The following TRABD2B variants were observed in gnomAD, a reference collection of about 807,000 sequenced individuals.
TRABD2B encodes the protein TraB domain containing 2B.
Under a neutral mutation model 40.1 loss-of-function variants are expected in TRABD2B, and 14 were observed. That is an observed-to-expected ratio of 0.35 (90% CI 0.23 to 0.55). The LOEUF (loss-of-function observed/expected upper bound fraction) is 0.55. Among genes scored for constraint, TRABD2B ranks in the 20% least tolerant of loss-of-function variants. TRABD2B has a pLI of 0.90. For synonymous variants in TRABD2B, 263 were observed against 277.0 expected (o/e 0.95, Z 0.50); for missense variants, 541 against 648.6 (o/e 0.83, Z 1.80).
At chr1:47,874,143 C>T (rs907988038) in intron 2 of TRABD2B, among the ~76,000 whole-genome samples, 3 of 152,032 alleles carry the variant, frequency 2.0e-5, no homozygotes, top group Admixed American at 2.0e-4. Context: ...GGGTGAATTC[C>T]TGATGGGCAA....
chr1:47,926,832 C>A lies in TRABD2B; in HGVS notation c.666+67202G>T, dbSNP rs145629408. On this transcript the variant is annotated intron_variant, in intron 2 of 6. Transcript: ENST00000606738. ...CTTCCTCTCCAGCACACCCTTCCTG[C>A]CTTGCTTTAGAGAGCTCATCCTATA... Among the ~76,000 whole-genome samples, 477 of 152,298 alleles carry A rather than the reference C, an allele frequency of 3.1e-3. 2 individuals carry two copies. Among genetic ancestry groups the A allele is most frequent in the Non-Finnish European group, 4.6e-3 (311 of 68,032 alleles).
chr1:47,878,782 A>C (rs1644259858), intron 2 of TRABD2B, among the ~76,000 whole-genome samples: 1 of 152,178 alleles, frequency 6.6e-6, no homozygotes, highest in South Asian at 2.1e-4. Flanking sequence ...TCACAAATAA[A>C]TAAGCAAACA....
rs191708710 is a variant in TRABD2B at position 47,826,699 on chromosome 1, G to A, written c.667-25080C>T. On this transcript the variant is annotated intron_variant, in intron 2 of 6. Transcript: ENST00000606738. ...AGCAATCCTCCTGCTTCAGCCTCCC[G>A]AATAGCTAGAACTACAGGTGCGTGC... 2.2e-3 allele frequency among the ~76,000 whole-genome samples: 337 copies of A among 152,210 alleles called. 2 individuals carry two copies. Among genetic ancestry groups the A allele is most frequent in the Admixed American group, 5.7e-3 (87 of 15,288 alleles).
At chr1:47,993,268 C>T (rs1646038982) in intron 2 of TRABD2B, among the ~76,000 whole-genome samples, 1 of 152,168 alleles carries the variant, frequency 6.6e-6, no homozygotes, top group South Asian at 2.1e-4. Flanking sequence ...CAGTGAGTAG[C>T]AAGTGACCTC....
At chr1:47,872,171 T>C (rs1328418779) in intron 2 of TRABD2B, among the ~76,000 whole-genome samples, 1 of 152,184 alleles carries the variant, frequency 6.6e-6, no homozygotes, top group African/African-American at 2.4e-5. Flanking sequence ...GGGGACCCTA[T>C]GTCTGTGGGC....
intron 2 of TRABD2B, among the ~76,000 whole-genome samples, chr1:47,877,328 G>A (rs1260857029): frequency 2.0e-5 from 3 of 152,068 alleles, no homozygotes; most frequent in South Asian, 2.1e-4. Context: ...GGAACAGAGG[G>A]AAGGGAGAGA....
intron 2 of TRABD2B, among the ~76,000 whole-genome samples, chr1:47,925,818 A>T (rs1644961498): frequency 6.6e-6 from 1 of 152,232 alleles, no homozygotes; most frequent in South Asian, 2.1e-4. Flanking sequence ...CCTTTCTTAC[A>T]GAGACAAGAA....
intron 2 of TRABD2B, among the ~76,000 whole-genome samples, chr1:47,898,193 C>T (rs1457591648): frequency 6.6e-6 from 1 of 152,188 alleles, no homozygotes; most frequent in African/African-American, 2.4e-5. Flanking sequence ...ACTTGTCAAG[C>T]AGGGGCTACG....
At chr1:47,949,622 G>A (rs1008347826) in intron 2 of TRABD2B, among the ~76,000 whole-genome samples, 4 of 151,696 alleles carry the variant, frequency 2.6e-5, no homozygotes, top group Admixed American at 1.3e-4. Flanking sequence ...TGGCCAGGCT[G>A]GTCTTGATCT....
At chr1:47,939,713 C>G (rs1023524576) in intron 2 of TRABD2B, among the ~76,000 whole-genome samples, 2 of 152,202 alleles carry the variant, frequency 1.3e-5, no homozygotes, top group Non-Finnish European at 2.9e-5. Context: ...GACAGGAAAA[C>G]TGAAGCCTCC....
At chr1:47,794,894 C>T (rs897412200) in intron 3 of TRABD2B, 134 bp from the exon 4 acceptor site, 2 of 784,306 alleles carry the variant, frequency 2.6e-6, no homozygotes, top group African/African-American at 1.8e-5. Context: ...CATCCTCCTG[C>T]CTCAGCCTCC....
At chr1:47,772,814 T>A (rs1285439536) in intron 6 of TRABD2B, among the ~76,000 whole-genome samples, 4 of 152,152 alleles carry the variant, frequency 2.6e-5, no homozygotes, top group Non-Finnish European at 5.9e-5. Flanking sequence ...GCTCAGGGCC[T>A]GCTCCCCTAG....
At chr1:47,892,032 A>G (rs1445763961) in intron 2 of TRABD2B, among the ~76,000 whole-genome samples, 1 of 152,182 alleles carries the variant, frequency 6.6e-6, no homozygotes, top group African/African-American at 2.4e-5. Flanking sequence ...TTTCAGAATT[A>G]ATGTTTTGAA....
At chr1:47,978,613 CAG>C (rs1645794853) in intron 2 of TRABD2B, among the ~76,000 whole-genome samples, 1 of 152,162 alleles carries the variant, frequency 6.6e-6, no homozygotes, top group African/African-American at 2.4e-5. Flanking sequence ...TTACATGAGA[CAG>C]AGAGTGTGTG....
Position 47,860,391 on chromosome 1 carries a change from C to G in TRABD2B, c.667-58772G>C, listed in dbSNP as rs139921421. On this transcript the variant is annotated intron_variant, in intron 2 of 6. Transcript: ENST00000606738. ...GTGAGTTGGGTCTACCTGAACATCT[C>G]TGTCTCCTCCTTCTCTTTGTCTCTT... 5.4e-3 allele frequency among the ~76,000 whole-genome samples: 818 copies of G among 152,296 alleles called. 13 individuals are homozygous for G. The highest frequency in any genetic ancestry group is 0.019 in the African/African-American group (782 of 41,554).
At chr1:47,989,515 C>A (rs1359884879) in intron 2 of TRABD2B, among the ~76,000 whole-genome samples, 1 of 152,194 alleles carries the variant, frequency 6.6e-6, no homozygotes, top group Non-Finnish European at 1.5e-5. Context: ...CTTTATTCAA[C>A]TGTGCAGGCT....
chr1:47,990,407 T>C (rs1645983423), intron 2 of TRABD2B, among the ~76,000 whole-genome samples: 2 of 151,972 alleles, frequency 1.3e-5, no homozygotes, highest in Non-Finnish European at 1.5e-5. Flanking sequence ...TGTCATAAGA[T>C]CTGGACTCAA....
intron 2 of TRABD2B, among the ~76,000 whole-genome samples, chr1:47,967,342 C>G (rs1329538694): frequency 1.7e-5 from 2 of 115,094 alleles, no homozygotes; most frequent in African/African-American, 3.1e-5. Flanking sequence ...AGAAAACACA[C>G]ACACACACAC....
rs1643933287 is a variant in TRABD2B at position 47,859,394 on chromosome 1, T to C, written c.667-57775A>G. On this transcript the variant is annotated intron_variant, in intron 2 of 6. Transcript: ENST00000606738. ...GAGCTCCAGTTGGACCCCAGCCCTGTACTCAGAATCAGCCCCACAGCCCTG... is the reference window on the plus strand; with the variant it reads ...GAGCTCCAGTTGGACCCCAGCCCTGCACTCAGAATCAGCCCCACAGCCCTG... Among the ~76,000 whole-genome samples, 2 of 152,188 alleles carry C rather than the reference T, an allele frequency of 1.3e-5. 1 individual carries two copies. Among genetic ancestry groups the C allele is most frequent in the South Asian group, 4.1e-4 (2 of 4,830 alleles).
Sources: gnomAD v4.1 joint callset for allele counts (sites outside exome capture counted in the v4.1 genomes callset) on GRCh38, gnomAD v4.1.1 for gene constraint, MANE v1.5 for transcripts, NCBI Gene and HGNC (gene_info 2026-07-23, HGNC 2026-07-21) for gene names.